The following PKIG variants were observed in gnomAD, a reference collection of about 807,000 sequenced individuals.
PKIG encodes protein kinase (cAMP-dependent, catalytic) inhibitor gamma.
In PKIG, 1 loss-of-function variant was observed where a neutral mutation model predicts 6.8. That is an observed-to-expected ratio of 0.15 (90% confidence interval 0.05 to 0.69). The LOEUF is 0.69. Ranked by LOEUF, PKIG falls within the 30% of genes least tolerant of loss-of-function variation. PKIG has a pLI of 0.82. For missense variants in PKIG, 77 were observed against 104.0 expected (o/e 0.74, Z 1.13); for synonymous variants, 39 against 43.0 (o/e 0.91, Z 0.36).
chr20:44,593,842 C>T (rs2065054245), intron 2 of PKIG, among the ~76,000 whole-genome samples: 1 of 152,118 alleles, frequency 6.6e-6, no homozygotes, highest in Non-Finnish European at 1.5e-5. Context: ...GAATATATAA[C>T]ATTTTTATTT....
rs1368565023 is a variant in PKIG at position 44,545,523 on chromosome 20, A to T, written c.-241+13545A>T. ...TCTGAAAAGATTGAAGAAAAAAATT[A>T]TAAAAATATGGAGATTCTGACAGAT... is the stretch of plus-strand genomic sequence containing the variant. On this transcript the variant is annotated intron_variant, in intron 1 of 4. Coordinates refer to the PKIG transcript ENST00000372887. Among the ~76,000 whole-genome samples the T allele has an allele frequency of 2.0e-5, 3 of 152,178 alleles. No homozygotes were observed. In the East Asian group the frequency reaches 5.8e-4, roughly 29 times the overall value.
In PKIG at chr20:44,605,867, GCACCGCT is replaced by G. The variant is rs541473689; in HGVS notation, c.-23-8666_-23-8660del. Among the ~76,000 whole-genome samples, 43 of 152,180 alleles carry G rather than the reference GCACCGCT, an allele frequency of 2.8e-4. 1 individual carries two copies. The highest frequency in any genetic ancestry group is 1.5e-5 in the Non-Finnish European group (1 of 68,004). ...TTCAAGGTTGCTGTGAGCTAGGCTGGCACCGCTACACTCCAGCCTGGGTGACTCCAGA... is the reference window on the plus strand; with the variant it reads ...TTCAAGGTTGCTGTGAGCTAGGCTGGACACTCCAGCCTGGGTGACTCCAGA... On this transcript the variant is annotated intron_variant, in intron 2 of 3. Transcript: ENST00000372886.
At chr20:44,588,045 A>G (rs1035027560) in intron 1 of PKIG, among the ~76,000 whole-genome samples, 1 of 152,236 alleles carries the variant, frequency 6.6e-6, no homozygotes, top group African/African-American at 2.4e-5. Flanking sequence ...TAACATGAAC[A>G]CATTGTGAAA....
intron 2 of PKIG, among the ~76,000 whole-genome samples, chr20:44,598,068 G>A (rs2065089857): frequency 6.6e-6 from 1 of 152,228 alleles, no homozygotes; most frequent in African/African-American, 2.4e-5. Flanking sequence ...GTTAGATGGT[G>A]GCTGGAACTG....
chr20:44,540,860 G>T (rs963057802), intron 1 of PKIG, among the ~76,000 whole-genome samples: 79 of 152,324 alleles, frequency 5.2e-4, no homozygotes, highest in Non-Finnish European at 2.8e-4. Flanking sequence ...GGGATTACAG[G>T]CATGAGCCAC....
intron 2 of PKIG, chr20:44,598,864 T>C (rs1309720365): frequency 1.3e-5 from 2 of 152,192 alleles, no homozygotes; most frequent in Non-Finnish European, 2.9e-5. Flanking sequence ...AACACCGCCC[T>C]GCCAGTAGGA....
intron 2 of PKIG, among the ~76,000 whole-genome samples, chr20:44,592,455 C>A (rs2065041226): frequency 6.6e-6 from 1 of 152,206 alleles, no homozygotes; most frequent in Admixed American, 6.5e-5. Flanking sequence ...GCCCATTTAG[C>A]ACTTCTCTCA....
upstream of PKIG, among the ~76,000 whole-genome samples, chr20:44,581,846 A>G (rs1227014207): frequency 6.6e-6 from 1 of 152,144 alleles, no homozygotes; most frequent in Non-Finnish European, 1.5e-5. Context: ...TTGTAGTAAA[A>G]TGCTCTATAA....
At chr20:44,560,872 A>G (rs1403762181) in intron 1 of PKIG, among the ~76,000 whole-genome samples, 3 of 152,238 alleles carry the variant, frequency 2.0e-5, no homozygotes, top group African/African-American at 7.2e-5. Flanking sequence ...TTTTTATGTA[A>G]TCACTAGCAC....
Position 44,554,343 on chromosome 20 carries a change from A to C in PKIG, c.-241+22365A>C, listed in dbSNP as rs573675827. Among the ~76,000 whole-genome samples the C allele has an allele frequency of 2.3e-4, 35 of 152,218 alleles. 1 individual carries two copies. In the Middle Eastern group the frequency reaches 0.014, roughly 59 times the overall value. ...GTGATTCACCCACCTCAGCCTCCCA[A>C]AGTGCTAGGATTATAAGTGTGAGCC... On this transcript the variant is annotated intron_variant, in intron 1 of 4. Transcript: ENST00000372887.
chr20:44,584,725 T>C (rs2064975989), intron 1 of PKIG, among the ~76,000 whole-genome samples: 1 of 150,662 alleles, frequency 6.6e-6, no homozygotes, highest in East Asian at 1.9e-4. Context: ...GGCACTTCTT[T>C]TTTTTTTTTT....
At chr20:44,550,622 G>A (rs1302445555) in intron 1 of PKIG, among the ~76,000 whole-genome samples, 1 of 152,114 alleles carries the variant, frequency 6.6e-6, no homozygotes, top group African/African-American at 2.4e-5. Context: ...GCTTTCCCAG[G>A]CGTTTTTGTG....
chr20:44,580,639 CGCCCGGCCAG>C (rs2064939972), upstream of PKIG, among the ~76,000 whole-genome samples: 1 of 151,828 alleles, frequency 6.6e-6, no homozygotes, highest in African/African-American at 2.4e-5. Flanking sequence ...TGAGCCACCG[CGCCCGGCCAG>C]GCTGGTGTGG....
At chr20:44,572,781 G>T (rs2064864789) in intron 1 of PKIG, among the ~76,000 whole-genome samples, 1 of 152,272 alleles carries the variant, frequency 6.6e-6, no homozygotes, top group African/African-American at 2.4e-5. Flanking sequence ...CAAGGCTCTT[G>T]TGCCCAAATT....
chr20:44,597,331 G>A (rs1193472747), intron 2 of PKIG, among the ~76,000 whole-genome samples: 1 of 137,078 alleles, frequency 7.3e-6, no homozygotes, highest in Non-Finnish European at 1.5e-5. Context: ...TGTGATTTTT[G>A]CCCCCCTACT....
At chr20:44,568,189 A>G (rs2064825730) in intron 1 of PKIG, among the ~76,000 whole-genome samples, 1 of 152,206 alleles carries the variant, frequency 6.6e-6, no homozygotes, top group African/African-American at 2.4e-5. Flanking sequence ...CTCATTTATA[A>G]GTCAGTGTAT....
chr20:44,545,067 C>G (rs937875577), intron 1 of PKIG, among the ~76,000 whole-genome samples: 3 of 150,860 alleles, frequency 2.0e-5, no homozygotes, highest in Non-Finnish European at 4.4e-5. Context: ...TCTGGAGTAG[C>G]TAGGATTACA....
At chr20:44,533,190 G>A (rs1323558817) in intron 1 of PKIG, among the ~76,000 whole-genome samples, 3 of 152,164 alleles carry the variant, frequency 2.0e-5, no homozygotes, top group Non-Finnish European at 1.5e-5. Context: ...GTGTGACAGT[G>A]TGTGCGTGTA....
At chr20:44,579,040 C>T (rs2064925032), upstream of PKIG, among the ~76,000 whole-genome samples, 1 of 152,110 alleles carries the variant, frequency 6.6e-6, no homozygotes, top group Admixed American at 6.5e-5. Context: ...CAGAATATTA[C>T]CTGGCATATG....
Sources: allele counts gnomAD v4.1 joint callset (sites outside exome capture counted in the v4.1 genomes callset), GRCh38; gene constraint gnomAD v4.1.1; transcripts MANE v1.5; gene names NCBI Gene and HGNC (gene_info 2026-07-23, HGNC 2026-07-21).